The following PMEPA1 variants were observed in gnomAD, a reference collection of about 807,000 sequenced individuals.
PMEPA1 encodes the protein protein TMEPAI.
PMEPA1 carries 11 observed loss-of-function variants against 23.0 expected under a neutral mutation model. The observed-to-expected ratio is 0.48, with a 90% CI of 0.30 to 0.79. PMEPA1 has a LOEUF of 0.79. Ranked by LOEUF, PMEPA1 falls within the 30% of genes least tolerant of loss-of-function variation. PMEPA1 has a pLI of 0.06. For missense variants in PMEPA1, 377 were observed against 390.9 expected (o/e 0.96, Z 0.30); for synonymous variants, 204 against 166.4 (o/e 1.23, Z -1.74).
At chr20:57,710,292 G>T, upstream of PMEPA1, 1 of 720,496 alleles carries the variant, frequency 1.4e-6, no homozygotes, top group Non-Finnish European at 2.1e-6. Flanking sequence ...CGAACTCGGT[G>T]CCAGCCGCAC....
chr20:57,662,554 G>A (rs1385749565), intron 1 of PMEPA1, among the ~76,000 whole-genome samples: 4 of 152,186 alleles, frequency 2.6e-5, no homozygotes, highest in South Asian at 2.1e-4. Flanking sequence ...TCAGACCCAG[G>A]TCGCTGTGGC....
At chr20:57,681,271 C>T (rs1364244103) in intron 1 of PMEPA1, among the ~76,000 whole-genome samples, 1 of 152,218 alleles carries the variant, frequency 6.6e-6, no homozygotes, top group Non-Finnish European at 1.5e-5. Flanking sequence ...AACACCCCTC[C>T]ATCACTGCCA....
intron 1 of PMEPA1, among the ~76,000 whole-genome samples, chr20:57,673,701 A>G (rs1473715496): frequency 6.6e-6 from 1 of 152,138 alleles, no homozygotes; most frequent in Non-Finnish European, 1.5e-5. Context: ...TCCCTTTACC[A>G]GTGTCCCTGG....
At chr20:57,674,941 G>A (rs184160169) in intron 1 of PMEPA1, among the ~76,000 whole-genome samples, 1 of 152,300 alleles carries the variant, frequency 6.6e-6, no homozygotes, top group Non-Finnish European at 1.5e-5. Context: ...GGACATACGA[G>A]GAATAGCTTG....
In PMEPA1 at chr20:57,704,788, G is replaced by C. The variant is rs2072055631; in HGVS notation, c.109+4686C>G. 6.6e-6 allele frequency among the ~76,000 whole-genome samples: 1 copy of C among 152,192 alleles called. No individual in the cohort carries two copies. The highest frequency in any genetic ancestry group is 2.1e-4 in the South Asian group (1 of 4,826). On this transcript the variant is annotated intron_variant, in intron 1 of 3. Coordinates refer to ENST00000341744, the MANE Select transcript of PMEPA1 (RefSeq NM_020182.5). This position sits in a 1 kb window ranked among gnomAD's most constrained non-coding sequence, Gnocchi z 4.6. ...GTGGAGATGGTGGGGGCAGGCATGTGGGCACACCTGACCCCGTGGCTCTGG... is the reference window on the plus strand; with the variant it reads ...GTGGAGATGGTGGGGGCAGGCATGTCGGCACACCTGACCCCGTGGCTCTGG...
chr20:57,663,482 AG>A (rs1057037763), intron 1 of PMEPA1, among the ~76,000 whole-genome samples: 4 of 152,272 alleles, frequency 2.6e-5, no homozygotes, highest in African/African-American at 9.6e-5. Context: ...CTCAGCATGT[AG>A]TGCTCCCTGG....
intron 1 of PMEPA1, among the ~76,000 whole-genome samples, chr20:57,680,760 C>T (rs2071701404): frequency 6.6e-6 from 1 of 152,214 alleles, no homozygotes; most frequent in Non-Finnish European, 1.5e-5. Context: ...GTTCATTTCA[C>T]ACTTGGATTG....
At chr20:57,690,606 G>C in intron 1 of PMEPA1, 1 of 1,226,178 alleles carries the variant, frequency 8.2e-7, no homozygotes, top group Non-Finnish European at 1.0e-6. Context: ...GTGCAAACAG[G>C]TGGCAGGGGC....
intron 1 of PMEPA1, among the ~76,000 whole-genome samples, chr20:57,692,547 T>C (rs1005185431): frequency 1.3e-5 from 2 of 152,242 alleles, no homozygotes; most frequent in Admixed American, 6.5e-5. Context: ...CCCAGGTCTG[T>C]ACCTGGCCTG....
At chr20:57,661,195 G>A (rs534401496) in intron 1 of PMEPA1, among the ~76,000 whole-genome samples, 1 of 152,210 alleles carries the variant, frequency 6.6e-6, no homozygotes, top group African/African-American at 2.4e-5. Context: ...AAACCCTCAA[G>A]TGCTGGAATA....
chr20:57,659,033 C>T (rs1311488056), intron 2 of PMEPA1, among the ~76,000 whole-genome samples: 8 of 152,344 alleles, frequency 5.3e-5, no homozygotes, highest in Non-Finnish European at 1.2e-4. Context: ...CACTCAGCCT[C>T]GAGAGATGTG....
intron 1 of PMEPA1, among the ~76,000 whole-genome samples, chr20:57,686,516 G>C (rs7264369): frequency 3.2e-4 from 49 of 152,324 alleles, no homozygotes; most frequent in African/African-American, 1.2e-3. Flanking sequence ...TCCAAGGGAA[G>C]TCACCTCCCT....
At chr20:57,664,072 G>A (rs1350628629) in intron 1 of PMEPA1, among the ~76,000 whole-genome samples, 1 of 152,226 alleles carries the variant, frequency 6.6e-6, no homozygotes, top group African/African-American at 2.4e-5. Flanking sequence ...CATTCTCTGG[G>A]GAGTGGACCA....
rs1040346174 is a variant in PMEPA1, at chr20:57,656,329, C to A, written c.264+3214G>T. 6.6e-6 allele frequency among the ~76,000 whole-genome samples: 1 copy of A among 151,536 alleles called. No individual in the cohort carries two copies. The highest frequency in any genetic ancestry group is 6.6e-5 in the Admixed American group (1 of 15,264). On this transcript the variant is annotated intron_variant, in intron 2 of 3. Transcript: ENST00000341744. This position sits in a 1 kb window ranked among gnomAD's most constrained non-coding sequence, Gnocchi z 4.7. The stretch of plus-strand genomic sequence containing the variant: ...ACATTGGCCTGGCCACAGTCTTGTC[C>A]CTGCCCCTGGGAAATGGGCCCTTGG...
chr20:57,684,338 G>A (rs537185470), intron 1 of PMEPA1, among the ~76,000 whole-genome samples: 40 of 152,106 alleles, frequency 2.6e-4, no homozygotes, highest in Admixed American at 5.2e-4. Context: ...CGCAGCCCTC[G>A]CTCCAGAAGG....
In PMEPA1 at chr20:57,683,554, C is replaced by CGTGTGTGCGTGT. The variant is rs1568977703; in HGVS notation, c.110-23858_110-23857insACACGCACACAC. ...CGGTGGTGGTGTTCTGGCCTGTGTG[C>CGTGTGTGCGTGT]GTGTGTGTGTGTGTGTGTGTGTGTG... is the stretch of plus-strand genomic sequence containing the variant. On this transcript the variant is annotated intron_variant, in intron 1 of 3. Coordinates refer to ENST00000341744, the MANE Select transcript of PMEPA1 (RefSeq NM_020182.5). The surrounding 1 kb of genome is among the most constrained non-coding windows in gnomAD (Gnocchi z 4.3). Among the ~76,000 whole-genome samples, 9,296 of 106,142 alleles carry CGTGTGTGCGTGT rather than the reference C, an allele frequency of 0.088. 528 individuals are homozygous for CGTGTGTGCGTGT. The highest frequency in any genetic ancestry group is 0.16 in the African/African-American group (6,157 of 38,064). 69.6% of individuals were successfully genotyped at this position (106,142 alleles called of 152,430 possible). A position where few individuals can be genotyped will look rare whatever the true frequency, so the allele number is the denominator to read the frequency against.
At chr20:57,710,416 A>G, upstream of PMEPA1, 1 of 1,592,452 alleles carries the variant, frequency 6.3e-7, no homozygotes, top group Non-Finnish European at 8.6e-7. Flanking sequence ...GGCTCAGGGA[A>G]GAGAAATTGG....
At chr20:57,680,853 G>A (rs771999624) in intron 1 of PMEPA1, among the ~76,000 whole-genome samples, 6 of 152,220 alleles carry the variant, frequency 3.9e-5, no homozygotes, top group Non-Finnish European at 8.8e-5. Context: ...AGACACACAG[G>A]AGGCACTTCG....
At chr20:57,666,387 G>A (rs954753196) in intron 1 of PMEPA1, among the ~76,000 whole-genome samples, 2 of 152,098 alleles carry the variant, frequency 1.3e-5, no homozygotes, top group African/African-American at 2.4e-5. Context: ...AATTCTCACC[G>A]TCATTCTGTG....
Sources: allele counts gnomAD v4.1 joint callset (sites outside exome capture counted in the v4.1 genomes callset), GRCh38; gene constraint gnomAD v4.1.1; non-coding constraint Gnocchi (gnomAD v3.1); transcripts MANE v1.5; gene names NCBI Gene and HGNC (gene_info 2026-07-23, HGNC 2026-07-21).